C13orf42: variants seen among roughly 807,000 people sequenced by gnomAD.
C13orf42 encodes chromosome 13 open reading frame 42.
intron 1 of C13orf42, among the ~76,000 whole-genome samples, chr13:51,150,669 T>G (rs1437458275): frequency 6.6e-6 from 1 of 152,218 alleles, no homozygotes; most frequent in Non-Finnish European, 1.5e-5. Flanking sequence ...CTAATCCAGA[T>G]GAGCCCATCA....
chr13:51,087,300 C>G (rs1219133808), intron 2 of C13orf42, among the ~76,000 whole-genome samples: 2 of 152,220 alleles, frequency 1.3e-5, no homozygotes, highest in Non-Finnish European at 2.9e-5. Context: ...GTCTGGGCAG[C>G]CACCGTGGGC....
At chr13:51,121,795 A>G (rs543308014) in intron 1 of C13orf42, among the ~76,000 whole-genome samples, 44 of 152,254 alleles carry the variant, frequency 2.9e-4, no homozygotes, top group Admixed American at 1.2e-3. Context: ...TCGGCCTCCC[A>G]AAGTGCTGGA....
At chr13:51,159,997 C>T (rs1157961068) in intron 1 of C13orf42, among the ~76,000 whole-genome samples, 2 of 152,144 alleles carry the variant, frequency 1.3e-5, no homozygotes, top group Non-Finnish European at 2.9e-5. Context: ...CCTGATAAAC[C>T]CATCAGATCT....
At chr13:51,151,943 T>C (rs939267686) in intron 1 of C13orf42, among the ~76,000 whole-genome samples, 1 of 152,212 alleles carries the variant, frequency 6.6e-6, no homozygotes, top group Non-Finnish European at 1.5e-5. Context: ...CCTCAAAGTA[T>C]GGTCCAGGAG....
At chr13:51,127,937 G>A (rs555816304) in intron 1 of C13orf42, among the ~76,000 whole-genome samples, 13 of 152,204 alleles carry the variant, frequency 8.5e-5, no homozygotes, top group East Asian at 3.9e-4. Context: ...ATAGGAGGTC[G>A]GCACAAGATA....
intron 2 of C13orf42, 52 bp from the exon 3 acceptor site, chr13:51,085,611 C>T (rs17075305): frequency 2.3e-5 from 9 of 398,102 alleles, no homozygotes; most frequent in Middle Eastern, 6.2e-4. Context: ...CATTGGGAGG[C>T]GCATAAGGCA....
chr13:51,143,750 C>T (rs776787479), intron 1 of C13orf42, among the ~76,000 whole-genome samples: 2 of 152,126 alleles, frequency 1.3e-5, no homozygotes, highest in Non-Finnish European at 2.9e-5. Context: ...ATGTCTTTTT[C>T]TAACCTAATT....
At chr13:51,139,520 G>A (rs530141516) in intron 1 of C13orf42, among the ~76,000 whole-genome samples, 33 of 152,254 alleles carry the variant, frequency 2.2e-4, no homozygotes, top group African/African-American at 7.7e-4. Flanking sequence ...GCATTCCCAG[G>A]AAGTGAGACA....
intron 1 of C13orf42, among the ~76,000 whole-genome samples, chr13:51,132,302 G>C (rs1025349030): frequency 6.6e-6 from 1 of 152,004 alleles, no homozygotes; most frequent in Admixed American, 6.5e-5. Context: ...TTAGCTTGAC[G>C]TGGTGGCGTA....
intron 1 of C13orf42, among the ~76,000 whole-genome samples, chr13:51,104,774 T>TAA (rs11336196): frequency 2.8e-5 from 4 of 140,674 alleles, no homozygotes; most frequent in African/African-American, 5.2e-5. Flanking sequence ...GCTATTATAT[T>TAA]AAAAAAAAAA....
intron 1 of C13orf42, among the ~76,000 whole-genome samples, chr13:51,091,278 G>A (rs892623566): frequency 1.3e-5 from 2 of 152,090 alleles, no homozygotes; most frequent in African/African-American, 2.4e-5. Flanking sequence ...AGTCAGTGGC[G>A]GCACACTGGT....
chr13:51,171,605 A>C (rs1454270818), intron 1 of C13orf42, among the ~76,000 whole-genome samples: 1 of 151,852 alleles, frequency 6.6e-6, no homozygotes, highest in Non-Finnish European at 1.5e-5. Flanking sequence ...CCTCCACCCT[A>C]TAATCTTTTT....
intron 1 of C13orf42, among the ~76,000 whole-genome samples, chr13:51,154,272 G>GT (rs2138041495): frequency 6.6e-6 from 1 of 152,194 alleles, no homozygotes; most frequent in South Asian, 2.1e-4. Context: ...TTTGGCTATT[G>GT]TAAGTAATGC....
chr13:51,116,852 C>T (rs548867709), intron 1 of C13orf42, among the ~76,000 whole-genome samples: 2 of 152,330 alleles, frequency 1.3e-5, no homozygotes, highest in East Asian at 3.9e-4. Flanking sequence ...AATGGGGAGC[C>T]TCTCCCTCTC....
chr13:51,162,139 G>A, intron 1 of C13orf42: 1 of 267,376 alleles, frequency 3.7e-6, no homozygotes, highest in Non-Finnish European at 7.5e-6. Flanking sequence ...ATTCTATATG[G>A]GCATAAGCCA....
intron 1 of C13orf42, among the ~76,000 whole-genome samples, chr13:51,145,911 T>C (rs982530468): frequency 2.0e-5 from 3 of 152,222 alleles, no homozygotes; most frequent in African/African-American, 7.2e-5. Context: ...CTTGGGCACA[T>C]GTCTCAGGAC....
At chr13:51,105,074 C>T (rs1384061207) in intron 1 of C13orf42, among the ~76,000 whole-genome samples, 1 of 152,120 alleles carries the variant, frequency 6.6e-6, no homozygotes, top group Non-Finnish European at 1.5e-5. Flanking sequence ...ACATTTTTCT[C>T]TCCTGGGGTG....
At chr13:51,149,002 C>T (rs1953758464) in intron 1 of C13orf42, among the ~76,000 whole-genome samples, 1 of 152,192 alleles carries the variant, frequency 6.6e-6, no homozygotes, top group Admixed American at 6.5e-5. Context: ...ATCTTTCTGA[C>T]TGCCCACCTC....
chr13:51,141,798 A>AG (rs1313343882), intron 1 of C13orf42, among the ~76,000 whole-genome samples: 1 of 39,358 alleles, frequency 2.5e-5, no homozygotes, highest in Non-Finnish European at 5.2e-5. Context: ...ACTCCATCTC[A>AG]AAAAAAAACC....
Sources: gnomAD v4.1 joint callset for allele counts (sites outside exome capture counted in the v4.1 genomes callset) on GRCh38, gnomAD v4.1.1 for gene constraint, MANE v1.5 for transcripts, NCBI Gene and HGNC (gene_info 2026-07-23, HGNC 2026-07-21) for gene names.